The following SETBP1 variants were observed in gnomAD, a reference collection of about 807,000 sequenced individuals.
SETBP1 encodes SET-binding protein.
SETBP1 carries 9 observed loss-of-function variants against 101.0 expected under a neutral mutation model. The observed-to-expected ratio is 0.09, with a 90% confidence interval of 0.05 to 0.16. The LOEUF is 0.16. Ranked by LOEUF, SETBP1 falls within the 10% of genes least tolerant of loss-of-function variation. SETBP1 has a pLI of 1.00. For synonymous variants in SETBP1, 818 were observed against 788.5 expected (o/e 1.04, Z -0.63); for missense variants, 1,858 against 2,033.8 (o/e 0.91, Z 1.66).
At position 45,038,470 on chromosome 18, in the gene SETBP1, G is replaced by A. The variant is rs1231703989; in HGVS notation, c.4001-15G>A. ...CCTTAAAGTGACTGAAAGCTTTGGG[G>A]TTGTTATTTTTTAGGGATGCCAAGT... On this transcript the variant is annotated splice_polypyrimidine_tract_variant and intron_variant, in intron 4 of 5. Coordinates refer to ENST00000649279, the MANE Select transcript of SETBP1 (RefSeq NM_015559.3). The A allele has an allele frequency of 4.3e-6, 7 of 1,613,528 alleles. No homozygotes were observed. The highest frequency in any genetic ancestry group is 5.1e-6 in the Non-Finnish European group (6 of 1,179,680).
intron 3 of SETBP1, chr18:44,871,434 C>T (rs2069271780): frequency 6.6e-6 from 1 of 152,176 alleles, no homozygotes; most frequent in African/African-American, 2.4e-5. Flanking sequence ...CCATCATTGA[C>T]TGTCAGGAGG....
intron 3 of SETBP1, among the ~76,000 whole-genome samples, chr18:44,942,794 C>T (rs1019428890): frequency 6.6e-5 from 10 of 152,178 alleles, no homozygotes; most frequent in Admixed American, 5.2e-4. Flanking sequence ...TTATTTACTA[C>T]TCAAAGAGGT....
At chr18:44,729,492 G>A (rs1053210824) in intron 2 of SETBP1, among the ~76,000 whole-genome samples, 11 of 152,178 alleles carry the variant, frequency 7.2e-5, no homozygotes, top group African/African-American at 1.9e-4. Flanking sequence ...ATGAGAAGGC[G>A]GAATTTAAGA....
intron 4 of SETBP1, among the ~76,000 whole-genome samples, chr18:45,014,975 G>T (rs191368162): frequency 6.6e-6 from 1 of 152,340 alleles, no homozygotes; most frequent in East Asian, 1.9e-4. Context: ...GAACTGGAAT[G>T]CATGCTTCAA....
intron 2 of SETBP1, among the ~76,000 whole-genome samples, chr18:44,747,993 T>A (rs1284095330): frequency 1.3e-5 from 2 of 152,188 alleles, no homozygotes; most frequent in Non-Finnish European, 2.9e-5. Context: ...GCTGCATGGA[T>A]CTATGCTTCT....
intron 2 of SETBP1, among the ~76,000 whole-genome samples, chr18:44,766,311 G>GC (rs1422961009): frequency 1.3e-5 from 2 of 152,178 alleles, no homozygotes; most frequent in Non-Finnish European, 2.9e-5. Flanking sequence ...ACTTCTTGTA[G>GC]TCTTGATTTT....
chr18:44,790,084 A>C (rs1299931944), intron 2 of SETBP1, among the ~76,000 whole-genome samples: 2 of 152,196 alleles, frequency 1.3e-5, no homozygotes, highest in Admixed American at 6.5e-5. Flanking sequence ...CACAGATTAC[A>C]GTTCTGTGAT....
chr18:44,921,893 G>A (rs2070589759), intron 3 of SETBP1, among the ~76,000 whole-genome samples: 3 of 152,174 alleles, frequency 2.0e-5, no homozygotes, highest in Admixed American at 2.0e-4. Context: ...GCTTTCCAGG[G>A]CACAAGGAAC....
chr18:44,983,812 T>C (rs1441522355), intron 4 of SETBP1, among the ~76,000 whole-genome samples: 1 of 152,214 alleles, frequency 6.6e-6, no homozygotes. Context: ...TTGCTGTCTG[T>C]CATTGAACAA....
At chr18:44,932,795 C>T (rs1393246974) in intron 3 of SETBP1, among the ~76,000 whole-genome samples, 1 of 152,160 alleles carries the variant, frequency 6.6e-6, no homozygotes, top group Non-Finnish European at 1.5e-5. Context: ...AAGGACTCCT[C>T]AGGTCATTTA....
chr18:44,806,873 G>A (rs2071753800), intron 2 of SETBP1, among the ~76,000 whole-genome samples: 1 of 151,522 alleles, frequency 6.6e-6, no homozygotes, highest in African/African-American at 2.4e-5. Context: ...CTTATGTTTA[G>A]GACTCAGTTT....
intron 2 of SETBP1, among the ~76,000 whole-genome samples, chr18:44,739,658 C>T (rs765296216): frequency 1.3e-5 from 2 of 152,064 alleles, no homozygotes; most frequent in Non-Finnish European, 2.9e-5. Flanking sequence ...ATTTAAAATA[C>T]CCTGAAAGGA....
At chr18:44,883,943 A>G (rs1004923885) in intron 3 of SETBP1, among the ~76,000 whole-genome samples, 2 of 152,238 alleles carry the variant, frequency 1.3e-5, no homozygotes, top group South Asian at 2.1e-4. Context: ...TTTATGTACA[A>G]AAGATTTAGC....
chr18:44,900,523 T>G (rs1377274167), intron 3 of SETBP1, among the ~76,000 whole-genome samples: 1 of 152,156 alleles, frequency 6.6e-6, no homozygotes, highest in East Asian at 1.9e-4. Context: ...ATTATTTGAG[T>G]GATTTATTTT....
At chr18:45,040,910 G>C (rs545000323) in intron 5 of SETBP1, among the ~76,000 whole-genome samples, 2 of 152,132 alleles carry the variant, frequency 1.3e-5, no homozygotes, top group Non-Finnish European at 2.9e-5. Context: ...TGGACTTTTG[G>C]GGGGAAATAG....
intron 2 of SETBP1, among the ~76,000 whole-genome samples, chr18:44,843,538 G>T (rs2072664628): frequency 6.6e-6 from 1 of 152,158 alleles, no homozygotes; most frequent in Non-Finnish European, 1.5e-5. Flanking sequence ...TAGTGGCCGA[G>T]CAGGGTTCTC....
chr18:44,813,447 G>A (rs1347683250), intron 2 of SETBP1, among the ~76,000 whole-genome samples: 2 of 152,192 alleles, frequency 1.3e-5, no homozygotes, highest in African/African-American at 4.8e-5. Flanking sequence ...GGCCTTGCAA[G>A]CTCTTGAGGC....
chr18:44,764,006 C>T (rs903452449), intron 2 of SETBP1, among the ~76,000 whole-genome samples: 1 of 152,236 alleles, frequency 6.6e-6, no homozygotes, highest in Non-Finnish European at 1.5e-5. Context: ...AACAGCTGGA[C>T]TCCAAACTAA....
chr18:44,784,748 C>A (rs1026942789), intron 2 of SETBP1, among the ~76,000 whole-genome samples: 30 of 152,204 alleles, frequency 2.0e-4, no homozygotes, highest in Non-Finnish European at 4.3e-4. Flanking sequence ...CCGAAATAAA[C>A]ATCTTATGAG....
Sources: allele counts gnomAD v4.1 joint callset (sites outside exome capture counted in the v4.1 genomes callset), GRCh38; gene constraint gnomAD v4.1.1; transcripts MANE v1.5; gene names NCBI Gene and HGNC (gene_info 2026-07-23, HGNC 2026-07-21).